Variants in B3GNT2 observed in about 807,000 individuals in gnomAD.
The protein encoded by B3GNT2 is N-acetyllactosaminide beta-1,3-N-acetylglucosaminyltransferase 2.
A neutral mutation model predicts 27.6 loss-of-function variants in B3GNT2; 12 were observed. The observed-to-expected ratio is 0.44, with a 90% CI of 0.28 to 0.71. The LOEUF (loss-of-function observed/expected upper bound fraction) is 0.71. B3GNT2 is among the 30% of genes least tolerant of loss of function. The probability of loss-of-function intolerance (pLI) is 0.17; values close to 1 mark genes in which losing one functional copy is unlikely to be tolerated. For synonymous variants in B3GNT2, 192 were observed against 189.7 expected, an observed-to-expected ratio of 1.01 and a Z score of -0.10; for missense variants, 413 against 488.5, an observed-to-expected ratio of 0.85 and a Z score of 1.46.
intron 1 of B3GNT2, among the ~76,000 whole-genome samples, chr2:62,208,322 C>A (rs903066839): frequency 6.6e-6 from 1 of 150,986 alleles, no homozygotes; most frequent in Non-Finnish European, 1.5e-5. Flanking sequence ...ACTTGGATAA[C>A]AGTTTATATA....
At chr2:62,199,576 C>T (rs1048570690) in intron 1 of B3GNT2, among the ~76,000 whole-genome samples, 2 of 152,208 alleles carry the variant, frequency 1.3e-5, no homozygotes, top group African/African-American at 4.8e-5. Flanking sequence ...GAAAGATTCT[C>T]ATAAAGGCCT....
Position 62,222,166 on chromosome 2 carries a change from G to A in B3GNT2, c.-9-46G>A, listed in dbSNP as rs1180409948. 2.0e-6 allele frequency: 3 copies of A among 1,481,324 alleles called. No homozygotes were observed. The highest frequency in any genetic ancestry group is 4.5e-5 in the East Asian group (2 of 44,070). The allele number at this position is 1,481,324 out of a possible 1,614,324, so 91.8% of individuals were successfully genotyped here. A position where few individuals can be genotyped will look rare whatever the true frequency, so the allele number is the denominator to read the frequency against. On this transcript the variant is annotated intron_variant, in intron 1 of 1. Transcript: ENST00000301998. This position sits in a 1 kb window ranked among gnomAD's most constrained non-coding sequence, Gnocchi z 4.2. Reference sequence around the variant, plus strand: ...GGTAAAATAAATTGTATGTGCAAATGCAAATTGATAAGTAATTGATACAAT... The same window carrying A: ...GGTAAAATAAATTGTATGTGCAAATACAAATTGATAAGTAATTGATACAAT...
intron 1 of B3GNT2, among the ~76,000 whole-genome samples, chr2:62,203,801 G>C (rs560892161): frequency 6.6e-6 from 1 of 152,278 alleles, no homozygotes; most frequent in East Asian, 1.9e-4. Flanking sequence ...ACTGGCTGAT[G>C]TAGAGAACTT....
chr2:62,216,947 C>T (rs1253908992), intron 1 of B3GNT2, among the ~76,000 whole-genome samples: 1 of 152,232 alleles, frequency 6.6e-6, no homozygotes, highest in African/African-American at 2.4e-5. Context: ...GGCCTGGGCG[C>T]AAGCCCTGAC....
In B3GNT2 at chr2:62,216,412, G is replaced by T. The variant is rs76639858; in HGVS notation, c.-9-5800G>T. Among the ~76,000 whole-genome samples, 294 of 91,572 alleles carry T rather than the reference G, an allele frequency of 3.2e-3. 3 individuals are homozygous for T. Among genetic ancestry groups the T allele is most frequent in the African/African-American group, 0.014 (165 of 11,760 alleles). The allele number at this position is 91,572 out of a possible 152,430, so 60.1% of individuals were successfully genotyped here. On this transcript the variant is annotated intron_variant, in intron 1 of 1. Transcript: ENST00000301998. Reference sequence around the variant, plus strand: ...TAGCTTCTGATTTTTCTTTTTTTTTGTTTTTTTTAAAGAGATAGGGTCTCA... The same window carrying T: ...TAGCTTCTGATTTTTCTTTTTTTTTTTTTTTTTTAAAGAGATAGGGTCTCA...
Position 62,224,110 on chromosome 2 carries a change from T to C in B3GNT2, c.*696T>C, listed in dbSNP as rs1674778827. 1 of 167,094 alleles carries C rather than the reference T, an allele frequency of 6.0e-6. No homozygotes were observed. 10.4% of individuals were successfully genotyped at this position (167,094 alleles called of 1,614,324 possible). Reference sequence around the variant, plus strand: ...TGTATTTGGTTTCCTGGTGGTATCATAGTGTAATTTTAGTATTTGAAAATC... The same window carrying C: ...TGTATTTGGTTTCCTGGTGGTATCACAGTGTAATTTTAGTATTTGAAAATC... On this transcript the variant is annotated 3_prime_UTR_variant, in exon 2 of 2. Transcript: ENST00000301998.
chr2:62,213,789 GCA>G (rs1309910160), intron 1 of B3GNT2, among the ~76,000 whole-genome samples: 1 of 152,084 alleles, frequency 6.6e-6, no homozygotes, highest in Non-Finnish European at 1.5e-5. Flanking sequence ...CTGTAATTCA[GCA>G]CACATGTGAT....
Position 62,223,510 on chromosome 2 carries a change from A to G in B3GNT2, c.*96A>G. 4 of 1,165,992 alleles carry G rather than the reference A, an allele frequency of 3.4e-6. No homozygotes were observed. Among genetic ancestry groups the G allele is most frequent in the Non-Finnish European group, 3.6e-6 (3 of 835,750 alleles). 72.2% of individuals were successfully genotyped at this position (1,165,992 alleles called of 1,614,324 possible). On this transcript the variant is annotated 3_prime_UTR_variant, in exon 2 of 2. Coordinates refer to ENST00000301998, the MANE Select transcript of B3GNT2 (RefSeq NM_006577.6). ...GAGTAATTTCTATATTAAACCATGAAAATTGCCTTTATGAGTGATACCCAT... is the reference window on the plus strand; with the variant it reads ...GAGTAATTTCTATATTAAACCATGAGAATTGCCTTTATGAGTGATACCCAT...
chr2:62,206,956 C>T (rs191699878), intron 1 of B3GNT2, among the ~76,000 whole-genome samples: 185 of 152,334 alleles, frequency 1.2e-3, no homozygotes, highest in African/African-American at 4.3e-3. Context: ...GAAATTGAGA[C>T]TTCCCAAAGC....
intron 1 of B3GNT2, chr2:62,221,952 C>A (rs1674703818): frequency 3.6e-6 from 2 of 551,862 alleles, no homozygotes; most frequent in Admixed American, 2.5e-5. Context: ...TAAAAGCTTT[C>A]CATATAACAT....
In B3GNT2 at chr2:62,222,481, C is replaced by G. The variant is rs1384825962; in HGVS notation, c.261C>G (p.Leu87=). 1 of 1,614,144 alleles carries G rather than the reference C, an allele frequency of 6.2e-7. No individual in the cohort carries two copies. Among genetic ancestry groups the G allele is most frequent in the East Asian group, 2.2e-5 (1 of 44,882 alleles). The part of the protein sequence containing the change: ...LTNQTGEAGR[L]SNISHLNYCE... ...ACCAGACGGGGGAGGCGGGCAGGCT[C>G]TCCAATATAAGCCATCTGAACTACT... The change falls in exon 2 of 2, where the codon CTC becomes CTG. Residue 87 remains leucine (L), a synonymous_variant. Transcript: ENST00000301998. This position sits in a 1 kb window ranked among gnomAD's most constrained non-coding sequence, Gnocchi z 4.2.
intron 1 of B3GNT2, among the ~76,000 whole-genome samples, chr2:62,219,847 G>A (rs774084728): frequency 6.6e-6 from 1 of 152,192 alleles, no homozygotes; most frequent in Non-Finnish European, 1.5e-5. Flanking sequence ...CCAGGGAGTG[G>A]GTGCTGCTGA....
intron 1 of B3GNT2, among the ~76,000 whole-genome samples, chr2:62,196,820 G>A (rs1674153073): frequency 6.6e-6 from 1 of 151,946 alleles, no homozygotes; most frequent in Admixed American, 6.6e-5. Context: ...CGGGGAGGGG[G>A]GCGCGCGTGA....
Position 62,200,444 on chromosome 2 carries a change from T to G in B3GNT2, c.-10+4089T>G, listed in dbSNP as rs1053080915. Among the ~76,000 whole-genome samples, 3 of 152,316 alleles carry G rather than the reference T, an allele frequency of 2.0e-5. No individual in the cohort carries two copies. The South Asian group carries it at 6.2e-4, about 32-fold the overall frequency. ...GTAGGATGTACGTAGCTTACCAGAATGTTTGAAAAAAATGATAATCCAAGG... is the reference window on the plus strand; with the variant it reads ...GTAGGATGTACGTAGCTTACCAGAAGGTTTGAAAAAAATGATAATCCAAGG... On this transcript the variant is annotated intron_variant, in intron 1 of 1. Transcript: ENST00000301998.
Position 62,217,844 on chromosome 2 carries a change from C to A in B3GNT2, c.-9-4368C>A, listed in dbSNP as rs931688647. On this transcript the variant is annotated intron_variant, in intron 1 of 1. Coordinates refer to ENST00000301998, the MANE Select transcript of B3GNT2 (RefSeq NM_006577.6). ...AGCATCATGTCTACTGTTTTGTAAG[C>A]CATTTTTCAGCTAAGGTTTTCTCTG... 2.0e-5 allele frequency among the ~76,000 whole-genome samples: 3 copies of A among 152,212 alleles called. No individual in the cohort carries two copies. In the East Asian group the frequency reaches 5.8e-4, roughly 29 times the overall value.
At chr2:62,217,381 C>T (rs1255952813) in intron 1 of B3GNT2, among the ~76,000 whole-genome samples, 1 of 152,178 alleles carries the variant, frequency 6.6e-6, no homozygotes, top group Non-Finnish European at 1.5e-5. Context: ...CCACCCCGTG[C>T]CCCCTACCCT....
At chr2:62,217,576 A>G (rs900206573) in intron 1 of B3GNT2, among the ~76,000 whole-genome samples, 3 of 152,214 alleles carry the variant, frequency 2.0e-5, no homozygotes, top group African/African-American at 4.8e-5. Context: ...GACAGCCTCT[A>G]TGCAGCACTG....
At chr2:62,217,590 G>T (rs1573269709) in intron 1 of B3GNT2, among the ~76,000 whole-genome samples, 1 of 152,166 alleles carries the variant, frequency 6.6e-6, no homozygotes, top group Admixed American at 6.5e-5. Flanking sequence ...AGCACTGTAG[G>T]GGTCGAATAC....
intron 1 of B3GNT2, among the ~76,000 whole-genome samples, chr2:62,207,532 C>G (rs776825591): frequency 2.6e-5 from 4 of 152,184 alleles, no homozygotes; most frequent in Non-Finnish European, 4.4e-5. Flanking sequence ...CTTTTTAGCA[C>G]TGGGGACTGG....
Sources: gnomAD v4.1 joint callset for allele counts (sites outside exome capture counted in the v4.1 genomes callset) on GRCh38, gnomAD v4.1.1 for gene constraint, Gnocchi (gnomAD v3.1) non-coding constraint, MANE v1.5 for transcripts, NCBI Gene and HGNC (gene_info 2026-07-23, HGNC 2026-07-21) for gene names.